Variants in SYNJ1 observed in about 807,000 individuals in gnomAD.
SYNJ1 encodes the protein synaptojanin 1.
SYNJ1 carries 78 observed loss-of-function variants against 168.2 expected under a neutral mutation model. That is an observed-to-expected ratio of 0.46 (90% CI 0.39 to 0.56). The LOEUF (loss-of-function observed/expected upper bound fraction) is 0.56, where lower values mean the gene tolerates loss of function less well. Ranked by LOEUF, SYNJ1 falls within the 20% of genes least tolerant of loss-of-function variation. The pLI, the probability that SYNJ1 is intolerant of heterozygous loss-of-function variation, is 0.00. For missense variants in SYNJ1, 1,303 were observed against 1,597.6 expected (o/e 0.82, Z 3.14); for synonymous variants, 539 against 548.6 (o/e 0.98, Z 0.24).
intron 30 of SYNJ1, 48 bp from the exon 31 acceptor site, chr21:32,639,173 T>C (rs992619762): frequency 1.3e-6 from 2 of 1,521,100 alleles, no homozygotes; most frequent in African/African-American, 1.4e-5. Context: ...TAGAAAACCA[T>C]GTTTTTTTCC....
chr21:32,628,946 CAA>C lies in SYNJ1; in HGVS notation c.*2857_*2858del, dbSNP rs1012565609. On this transcript the variant is annotated 3_prime_UTR_variant, in exon 33 of 33. Coordinates refer to ENST00000674351, the MANE Select transcript of SYNJ1 (RefSeq NM_203446.3). ...TCTAATATAGAGAACACAGAGTTCA[CAA>C]AGAGATCCTTAGTGTCTAACTTCTG... 7 of 152,592 alleles carry C rather than the reference CAA, an allele frequency of 4.6e-5. No individual in the cohort carries two copies. The highest frequency in any genetic ancestry group is 9.7e-5 in the African/African-American group (4 of 41,444). The allele number at this position is 152,592 out of a possible 1,614,324, so 9.5% of individuals were successfully genotyped here.
chr21:32,692,407 T>A (rs1424135450), intron 6 of SYNJ1, among the ~76,000 whole-genome samples: 1 of 151,996 alleles, frequency 6.6e-6, no homozygotes, highest in African/African-American at 2.4e-5. Flanking sequence ...TGAAACCCCA[T>A]TTCTACTAAA....
intron 4 of SYNJ1, among the ~76,000 whole-genome samples, chr21:32,697,683 C>T (rs755923154): frequency 5.9e-5 from 9 of 152,178 alleles, no homozygotes; most frequent in South Asian, 2.1e-4. Context: ...CGCCTGTGGT[C>T]CCAGCTACCC....
rs758520394 is a variant in SYNJ1 at position 32,645,753 on chromosome 21, G to A, written c.3284C>T (p.Pro1095Leu). 10 of 1,464,120 alleles carry A rather than the reference G, an allele frequency of 6.8e-6. No homozygotes were observed. The highest frequency in any genetic ancestry group is 9.0e-6 in the Non-Finnish European group (10 of 1,106,100). The allele number at this position is 1,464,120 out of a possible 1,614,324, so 90.7% of individuals were successfully genotyped here. Reference protein sequence around the residue: ...PIDAQPATPLPQKDPAQPLEP... With the variant: ...PIDAQPATPLLQKDPAQPLEP... ...CAAGGGCTGGGCGGGGTCTTTCTGC[G>A]GCAGCGGCGTTGCTGGCTGCGCGTC... The change falls in exon 25 of 33, where the codon CCG (proline) becomes CTG (leucine). Residue 1095 changes from proline to leucine, a missense_variant. By Grantham distance (98) the Pro-to-Leu change is moderately conservative. This residue lies in a region of SYNJ1 where 383 missense variants were observed against 388.8 expected (regional missense o/e 0.99). Transcript: ENST00000674351.
chr21:32,696,546 A>G (rs1043451584), intron 4 of SYNJ1, among the ~76,000 whole-genome samples: 3 of 152,244 alleles, frequency 2.0e-5, no homozygotes, highest in Non-Finnish European at 4.4e-5. Flanking sequence ...ATACATTGTT[A>G]AGTGGAAAAA....
chr21:32,668,577 C>T (rs1454434078), intron 15 of SYNJ1, among the ~76,000 whole-genome samples: 1 of 152,010 alleles, frequency 6.6e-6, no homozygotes, highest in Non-Finnish European at 1.5e-5. Flanking sequence ...TTTCATTTTG[C>T]CTAATAAAAT....
intron 13 of SYNJ1, 132 bp from the exon 14 acceptor site, chr21:32,673,663 G>C (rs2041290211): frequency 1.5e-6 from 1 of 683,950 alleles, no homozygotes; most frequent in Non-Finnish European, 2.1e-6. Context: ...AAAAGATACA[G>C]GCACAGGCAC....
intron 4 of SYNJ1, among the ~76,000 whole-genome samples, chr21:32,699,138 G>A (rs1014369028): frequency 4.6e-5 from 7 of 152,182 alleles, no homozygotes; most frequent in African/African-American, 1.7e-4. Context: ...GTTATCTCTA[G>A]ACATAACAAC....
In SYNJ1 at chr21:32,676,363, T is replaced by C. The variant is rs777311008; in HGVS notation, c.1511-8A>G. On this transcript the variant is annotated splice_polypyrimidine_tract_variant and splice_region_variant and intron_variant, in intron 12 of 32. Coordinates refer to ENST00000674351, the MANE Select transcript of SYNJ1 (RefSeq NM_203446.3). ...GTAATGTCTGCTCAGAAACTATGGA[T>C]GCAACAAGAAGAAAACAAAGAATCA... 1 of 1,606,492 alleles carries C rather than the reference T, an allele frequency of 6.2e-7. No individual in the cohort carries two copies.
intron 6 of SYNJ1, among the ~76,000 whole-genome samples, chr21:32,689,987 C>T (rs2041963865): frequency 6.6e-6 from 1 of 152,156 alleles, no homozygotes; most frequent in Non-Finnish European, 1.5e-5. Flanking sequence ...AGATTAATTG[C>T]CTATCACTCC....
intron 12 of SYNJ1, among the ~76,000 whole-genome samples, chr21:32,677,239 A>G (rs1037607163): frequency 6.6e-6 from 1 of 152,138 alleles, no homozygotes; most frequent in Non-Finnish European, 1.5e-5. Context: ...ATTTCTAGCC[A>G]TCTTAGTTCT....
chr21:32,703,454 C>T (rs1029506111), intron 2 of SYNJ1, among the ~76,000 whole-genome samples: 9 of 152,208 alleles, frequency 5.9e-5, no homozygotes, highest in African/African-American at 2.2e-4. Flanking sequence ...TTTTATAAAG[C>T]AAAATAGAAT....
chr21:32,717,931 G>A (rs1482169389), intron 2 of SYNJ1, among the ~76,000 whole-genome samples: 1 of 152,168 alleles, frequency 6.6e-6, no homozygotes, highest in Non-Finnish European at 1.5e-5. Context: ...AGCTCTCCAG[G>A]CAGTAAGCTG....
intron 2 of SYNJ1, among the ~76,000 whole-genome samples, chr21:32,721,242 T>C (rs1190166723): frequency 6.6e-6 from 1 of 152,216 alleles, no homozygotes; most frequent in East Asian, 1.9e-4. Context: ...CAAATACTTT[T>C]CAAAACTGAG....
chr21:32,648,712 T>C (rs953728141), intron 23 of SYNJ1, among the ~76,000 whole-genome samples: 13 of 152,240 alleles, frequency 8.5e-5, no homozygotes, highest in African/African-American at 2.7e-4. Context: ...CATAATCCTA[T>C]TGGCCAAAGT....
At chr21:32,728,088 C>T (rs2122964572), upstream of SYNJ1, 1 of 1,513,582 alleles carries the variant, frequency 6.6e-7, no homozygotes, top group Non-Finnish European at 8.8e-7. Flanking sequence ...AGGGAAGGGG[C>T]GGGGCATCAG....
At chr21:32,721,341 T>C (rs1284279635) in intron 2 of SYNJ1, among the ~76,000 whole-genome samples, 2 of 152,240 alleles carry the variant, frequency 1.3e-5, no homozygotes, top group African/African-American at 2.4e-5. Flanking sequence ...AATAAATCAA[T>C]GCAACAGAAG....
intron 2 of SYNJ1, among the ~76,000 whole-genome samples, chr21:32,708,913 T>C (rs1418686896): frequency 1.3e-5 from 2 of 151,254 alleles, no homozygotes; most frequent in South Asian, 2.1e-4. Context: ...AACCCAAGAG[T>C]TCAACACCAT....
At chr21:32,714,212 G>A (rs192263952) in intron 2 of SYNJ1, among the ~76,000 whole-genome samples, 1 of 152,280 alleles carries the variant, frequency 6.6e-6, no homozygotes, top group East Asian at 1.9e-4. Context: ...GGCCAATGAG[G>A]TTAGAACATA....
Sources: gnomAD v4.1 joint callset for allele counts (sites outside exome capture counted in the v4.1 genomes callset) on GRCh38, gnomAD v4.1.1 for gene constraint, gnomAD v4.1.1 regional missense constraint, MANE v1.5 for transcripts, NCBI Gene and HGNC (gene_info 2026-07-23, HGNC 2026-07-21) for gene names.